The following NAALADL2 variants were observed in gnomAD, a reference collection of about 807,000 sequenced individuals.
NAALADL2 encodes the protein N-acetylated alpha-linked acidic dipeptidase like 2, also known as inactive N-acetylated-alpha-linked acidic dipeptidase-like protein 2.
Under a neutral mutation model 87.2 loss-of-function variants are expected in NAALADL2, and 76 were observed. The ratio of observed to expected loss-of-function variants is 0.87; its 90% confidence interval spans 0.72 to 1.05. The LOEUF is 1.05. Among genes scored for constraint, NAALADL2 ranks in the 50% least tolerant of loss-of-function variants. The pLI, the probability that NAALADL2 is intolerant of heterozygous loss-of-function variation, is 0.00. For missense variants in NAALADL2, 1,089 were observed against 945.8 expected, an observed-to-expected ratio of 1.15 and a Z score of -1.99; for synonymous variants, 354 against 331.0, an observed-to-expected ratio of 1.07 and a Z score of -0.75.
Position 174,859,347 on chromosome 3 carries a change from G to A in NAALADL2, c.-61G>A. On this transcript the variant is annotated 5_prime_UTR_variant, in exon 1 of 14. Coordinates refer to ENST00000454872, the MANE Select transcript of NAALADL2 (RefSeq NM_207015.3). Reference sequence around the variant, plus strand: ...CAGTAGAAAGTCAGAAGGTCACAAAGCTTGCAGGGTAAGTGACACAACTTG... The same window carrying A: ...CAGTAGAAAGTCAGAAGGTCACAAAACTTGCAGGGTAAGTGACACAACTTG... 4 of 1,276,840 alleles carry A rather than the reference G, an allele frequency of 3.1e-6. No individual in the cohort carries two copies. Among genetic ancestry groups the A allele is most frequent in the Non-Finnish European group, 3.4e-6 (3 of 887,972 alleles). 79.1% of individuals were successfully genotyped at this position (1,276,840 alleles called of 1,614,324 possible).
intron 2 of NAALADL2, among the ~76,000 whole-genome samples, chr3:175,196,859 A>C (rs188786982): frequency 1.2e-4 from 19 of 152,034 alleles, no homozygotes; most frequent in Admixed American, 1.2e-3. Flanking sequence ...GGTACATATC[A>C]AGTAATTCAG....
At chr3:175,315,768 T>G (rs1245227567) in intron 4 of NAALADL2, among the ~76,000 whole-genome samples, 1 of 152,192 alleles carries the variant, frequency 6.6e-6, no homozygotes, top group Non-Finnish European at 1.5e-5. Flanking sequence ...ATTCTAAATA[T>G]TTCAGTTTTC....
At chr3:175,741,340 A>G (rs1448247080) in intron 12 of NAALADL2, among the ~76,000 whole-genome samples, 2 of 152,132 alleles carry the variant, frequency 1.3e-5, no homozygotes, top group African/African-American at 4.8e-5. Context: ...AAGGGCACTA[A>G]TTTAATTTTT....
chr3:175,629,357 C>T (rs1727450045), intron 11 of NAALADL2, among the ~76,000 whole-genome samples: 1 of 141,016 alleles, frequency 7.1e-6, no homozygotes, highest in African/African-American at 2.8e-5. Flanking sequence ...AATTCATATA[C>T]ATTCCTATAT....
At chr3:174,646,840 A>AT (rs56307327) in intron 2 of NAALADL2, among the ~76,000 whole-genome samples, 5,104 of 152,156 alleles carry the variant, frequency 0.034, 232 homozygotes, top group African/African-American at 0.1. Flanking sequence ...ACATGACCTT[A>AT]TTTTTTCTTA....
At chr3:175,551,073 T>G (rs1275655917) in intron 9 of NAALADL2, among the ~76,000 whole-genome samples, 1 of 150,740 alleles carries the variant, frequency 6.6e-6, no homozygotes, top group African/African-American at 2.5e-5. Context: ...GAGACGAGTG[T>G]GTGTGTGTCT....
At chr3:174,779,606 G>C (rs546735960) in intron 3 of NAALADL2, among the ~76,000 whole-genome samples, 48 of 152,042 alleles carry the variant, frequency 3.2e-4, no homozygotes, top group Non-Finnish European at 5.3e-4. Flanking sequence ...TACGGCTTTA[G>C]GTCTTACGTT....
chr3:175,620,611 C>T (rs1485727366), intron 10 of NAALADL2, among the ~76,000 whole-genome samples: 1 of 152,140 alleles, frequency 6.6e-6, no homozygotes, highest in Non-Finnish European at 1.5e-5. Context: ...TTTTCACTCC[C>T]GCAATTCGGC....
At chr3:175,380,491 A>G (rs1433117784) in intron 5 of NAALADL2, among the ~76,000 whole-genome samples, 1 of 152,208 alleles carries the variant, frequency 6.6e-6, no homozygotes, top group African/African-American at 2.4e-5. Flanking sequence ...ATTACAGACA[A>G]AAATAAAGTC....
chr3:175,667,062 A>G (rs929013954), intron 11 of NAALADL2, among the ~76,000 whole-genome samples: 5 of 151,370 alleles, frequency 3.3e-5, no homozygotes, highest in African/African-American at 1.2e-4. Context: ...TATATTAAAA[A>G]TAGTGAAACT....
rs1457336840 is a variant in NAALADL2 at position 175,809,614 on chromosome 3, T to C, written c.*6411T>C. 2 of 148,326 alleles carry C rather than the reference T, an allele frequency of 1.3e-5. No homozygotes were observed. The highest frequency in any genetic ancestry group is 3.0e-5 in the Non-Finnish European group (2 of 67,264). The allele number at this position is 148,326 out of a possible 1,614,324, so 9.2% of individuals were successfully genotyped here. A position where few individuals can be genotyped will look rare whatever the true frequency, so the allele number is the denominator to read the frequency against. On this transcript the variant is annotated 3_prime_UTR_variant, in exon 14 of 14. Transcript: ENST00000454872. Reference sequence around the variant, plus strand: ...TACTAGGGAGGCTGAGGCGGAAGAATCATTTGGGCCCAAAAGTTTGAAGCT... The same window carrying C: ...TACTAGGGAGGCTGAGGCGGAAGAACCATTTGGGCCCAAAAGTTTGAAGCT...
chr3:175,287,897 C>G (rs1018106453), intron 4 of NAALADL2, among the ~76,000 whole-genome samples: 1 of 152,082 alleles, frequency 6.6e-6, no homozygotes, highest in African/African-American at 2.4e-5. Flanking sequence ...GCTCTATTTT[C>G]CTAAAATTTT....
chr3:175,257,257 A>G (rs1343042449), intron 4 of NAALADL2: 10 of 151,386 alleles, frequency 6.6e-5, no homozygotes, highest in Non-Finnish European at 7.4e-5. Flanking sequence ...CTGAAGATAT[A>G]TTGGATTTCT....
chr3:175,129,565 T>TGTGTTTGA (rs1727488940), intron 2 of NAALADL2, among the ~76,000 whole-genome samples: 1 of 152,234 alleles, frequency 6.6e-6, no homozygotes, highest in African/African-American at 2.4e-5. Context: ...GTAAACTGTC[T>TGTGTTTGA]GTGTTTGAGT....
chr3:175,142,180 T>C (rs1310149573), intron 2 of NAALADL2, among the ~76,000 whole-genome samples: 2 of 152,070 alleles, frequency 1.3e-5, no homozygotes, highest in Non-Finnish European at 2.9e-5. Flanking sequence ...CTTGTCCTCA[T>C]TGAATAAATT....
chr3:175,568,669 A>T (rs1337641490), intron 9 of NAALADL2, among the ~76,000 whole-genome samples: 1 of 152,234 alleles, frequency 6.6e-6, no homozygotes, highest in African/African-American at 2.4e-5. Context: ...CAAGCTGCTA[A>T]GCCCTATATA....
chr3:174,909,302 G>C (rs1331130430), intron 1 of NAALADL2, among the ~76,000 whole-genome samples: 1 of 152,038 alleles, frequency 6.6e-6, no homozygotes, highest in African/African-American at 2.4e-5. Context: ...GCTGAGACAG[G>C]AGAATTGCTT....
intron 1 of NAALADL2, among the ~76,000 whole-genome samples, chr3:174,875,971 T>G (rs748121721): frequency 1.3e-5 from 2 of 151,812 alleles, no homozygotes; most frequent in Non-Finnish European, 2.9e-5. Flanking sequence ...AAAAGATAGA[T>G]AAAAGTGAAA....
At chr3:175,506,506 G>A (rs1176482268) in intron 9 of NAALADL2, among the ~76,000 whole-genome samples, 1 of 152,178 alleles carries the variant, frequency 6.6e-6, no homozygotes, top group East Asian at 1.9e-4. Context: ...TACACTTGCT[G>A]TGAAAAATCA....
Sources: allele counts gnomAD v4.1 joint callset (sites outside exome capture counted in the v4.1 genomes callset), GRCh38; gene constraint gnomAD v4.1.1; transcripts MANE v1.5; gene names NCBI Gene and HGNC (gene_info 2026-07-23, HGNC 2026-07-21).